Variants in RPL28 observed in about 807,000 individuals in gnomAD.
The protein encoded by RPL28 is ribosomal protein L28.
In RPL28, 4 loss-of-function variants were observed where a neutral mutation model predicts 12.5. The observed-to-expected ratio is 0.32, with a 90% confidence interval of 0.16 to 0.73. The LOEUF is 0.73. RPL28 is among the 30% of genes least tolerant of loss of function. The probability of loss-of-function intolerance (pLI) is 0.66; values close to 1 mark genes in which losing one functional copy is unlikely to be tolerated. For synonymous variants in RPL28, 91 were observed against 72.5 expected (o/e 1.26, Z -1.30); for missense variants, 214 against 197.7 (o/e 1.08, Z -0.49).
In RPL28 at chr19:55,390,368, C is replaced by G; in HGVS notation, c.*2036C>G. 1 of 770,608 alleles carries G rather than the reference C, an allele frequency of 1.3e-6. No homozygotes were observed. Among genetic ancestry groups the G allele is most frequent in the Non-Finnish European group, 1.6e-6 (1 of 634,176 alleles). 47.7% of individuals were successfully genotyped at this position (770,608 alleles called of 1,614,324 possible). On this transcript the variant is annotated 3_prime_UTR_variant, in exon 5 of 5. Coordinates refer to ENST00000344063, the MANE Select transcript of RPL28 (RefSeq NM_000991.5). The stretch of plus-strand genomic sequence containing the variant: ...TACAGGTGGGTGTCACCACACCCAG[C>G]TCAGTATTGTATTTTTAGCAGAGAT...
rs950789276 is a variant in RPL28, at chr19:55,389,247, G to C, written c.*915G>C. 3.3e-6 allele frequency: 3 copies of C among 911,338 alleles called. No individual in the cohort carries two copies. The highest frequency in any genetic ancestry group is 3.9e-6 in the Non-Finnish European group (3 of 762,492). The allele number at this position is 911,338 out of a possible 1,614,324, so 56.5% of individuals were successfully genotyped here. A position where few individuals can be genotyped will look rare whatever the true frequency, so the allele number is the denominator to read the frequency against. On this transcript the variant is annotated 3_prime_UTR_variant, in exon 5 of 5. Coordinates refer to ENST00000344063, the MANE Select transcript of RPL28 (RefSeq NM_000991.5). ...CGCCTGTGGTCCCAGCTCCTCAGAG[G>C]TTGAGTAGAGGCTGAGGTGAGCGGA... is the stretch of plus-strand genomic sequence containing the variant.
At chr19:55,387,237 G>T in intron 3 of RPL28, 1 of 1,514,844 alleles carries the variant, frequency 6.6e-7, no homozygotes, top group South Asian at 1.2e-5. Context: ...TCTAATGGAG[G>T]AGTCCAGCTT....
At chr19:55,402,756 C>T (rs891111369) in intron 4 of RPL28, among the ~76,000 whole-genome samples, 3 of 152,116 alleles carry the variant, frequency 2.0e-5, no homozygotes, top group East Asian at 1.9e-4. Flanking sequence ...GTGCCAATGT[C>T]CCCAGCAGCC....
In RPL28 at chr19:55,389,587, T is replaced by C; in HGVS notation, c.*1255T>C. 1.0e-6 allele frequency: 1 copy of C among 985,340 alleles called. No individual in the cohort carries two copies. The highest frequency in any genetic ancestry group is 1.2e-6 in the Non-Finnish European group (1 of 829,956). The allele number at this position is 985,340 out of a possible 1,614,324, so 61.0% of individuals were successfully genotyped here. A position where few individuals can be genotyped will look rare whatever the true frequency, so the allele number is the denominator to read the frequency against. The stretch of plus-strand genomic sequence containing the variant: ...GGCCTCGACTTGCCATTGGTTGGGG[T>C]CGTACGGGGCTGGGAGCCCTGCGTT... On this transcript the variant is annotated 3_prime_UTR_variant, in exon 5 of 5. Transcript: ENST00000344063.
chr19:55,400,520 G>A (rs1414982320), intron 4 of RPL28: 6 of 152,162 alleles, frequency 3.9e-5, no homozygotes, highest in African/African-American at 9.7e-5. Context: ...GACCTAATCC[G>A]GTGAGCACCT....
chr19:55,402,891 C>G, intron 4 of RPL28: 1 of 1,457,204 alleles, frequency 6.9e-7, no homozygotes, highest in South Asian at 1.3e-5. Flanking sequence ...ACCCTCTCTG[C>G]CATGTGCCCC....
Position 55,401,542 on chromosome 19 carries a change from G to A in RPL28, c.325-1401G>A, listed in dbSNP as rs201696148. 7,720 of 1,609,018 alleles carry A rather than the reference G, an allele frequency of 4.8e-3. 33 individuals are homozygous for A. The highest frequency in any genetic ancestry group is 5.1e-3 in the Non-Finnish European group (6,055 of 1,178,570). ...GGCCATGGGACCCTCAGCCCCTCCC[G>A]GGCCCCCTGGGGCCCCAGGGTCGGT... On this transcript the variant is annotated intron_variant, in intron 4 of 4. Coordinates refer to the RPL28 transcript ENST00000560055.
In RPL28 at chr19:55,392,016, C is replaced by G. The variant is rs1191103598; in HGVS notation, c.*3684C>G. 9.1e-7 allele frequency: 1 copy of G among 1,094,586 alleles called. No individual in the cohort carries two copies. Among genetic ancestry groups the G allele is most frequent in the Admixed American group, 4.9e-5 (1 of 20,224 alleles). 67.8% of individuals were successfully genotyped at this position (1,094,586 alleles called of 1,614,324 possible). On this transcript the variant is annotated 3_prime_UTR_variant, in exon 5 of 5. Transcript: ENST00000344063. ...TTCCAGCCCAGGCTGTTTGGCGCTG[C>G]CCAGGAATGGTATCAATTCCCCTGT...
At chr19:55,387,751 G>A in intron 3 of RPL28, 179 bp from the exon 4 acceptor site, 1 of 1,453,420 alleles carries the variant, frequency 6.9e-7, no homozygotes, top group African/African-American at 1.4e-5. Context: ...ACTCCGTGAT[G>A]ACGAGTGAGC....
Position 55,389,693 on chromosome 19 carries a change from C to G in RPL28, c.*1361C>G, listed in dbSNP as rs1313667438. ...GCTCGAAGGAGAGCAGATCTGACCA[C>G]TTGCCAGCCCCTGTCTGCTGTGAAT... On this transcript the variant is annotated 3_prime_UTR_variant, in exon 5 of 5. Transcript: ENST00000344063. 2 of 985,426 alleles carry G rather than the reference C, an allele frequency of 2.0e-6. No homozygotes were observed. Among genetic ancestry groups the G allele is most frequent in the African/African-American group, 3.5e-5 (2 of 57,208 alleles). 61.0% of individuals were successfully genotyped at this position (985,426 alleles called of 1,614,324 possible).
At chr19:55,396,452 A>G (rs1456864847), downstream of RPL28, among the ~76,000 whole-genome samples, 1 of 138,028 alleles carries the variant, frequency 7.2e-6, no homozygotes, top group African/African-American at 2.7e-5. Flanking sequence ...GGAGGTAAAC[A>G]GTATTCTCAC....
chr19:55,388,648 A>G lies in RPL28; in HGVS notation c.*316A>G, dbSNP rs547080290. The stretch of plus-strand genomic sequence containing the variant: ...AATCCCAGCTGGGGCAGTGGCTTCC[A>G]TTCAGAAGAAGAAAGGCCTTTTCTA... On this transcript the variant is annotated 3_prime_UTR_variant, in exon 5 of 5. Coordinates refer to ENST00000344063, the MANE Select transcript of RPL28 (RefSeq NM_000991.5). 115 of 1,166,576 alleles carry G rather than the reference A, an allele frequency of 9.9e-5. No individual in the cohort carries two copies. The Middle Eastern group carries it at 2.1e-3, about 21-fold the overall frequency. The allele number at this position is 1,166,576 out of a possible 1,614,324, so 72.3% of individuals were successfully genotyped here. A position where few individuals can be genotyped will look rare whatever the true frequency, so the allele number is the denominator to read the frequency against.
intron 3 of RPL28, 62 bp from the exon 4 acceptor site, chr19:55,387,868 G>A (rs2089948489): frequency 6.6e-7 from 1 of 1,506,302 alleles, no homozygotes; most frequent in Admixed American, 2.3e-5. Flanking sequence ...CCACACCTGC[G>A]AGGTGTGCTA....
Position 55,390,794 on chromosome 19 carries a change from G to C in RPL28, c.*2462G>C. The C allele has an allele frequency of 1.0e-6, 1 of 985,498 alleles. No individual in the cohort carries two copies. Among genetic ancestry groups the C allele is most frequent in the African/African-American group, 1.7e-5 (1 of 57,348 alleles). The allele number at this position is 985,498 out of a possible 1,614,324, so 61.0% of individuals were successfully genotyped here. ...AGGAACCAGGAGAGGGCTGGAGGGAGGGAGATGGTCTCAGCCCCACAGAGT... is the reference window on the plus strand; with the variant it reads ...AGGAACCAGGAGAGGGCTGGAGGGACGGAGATGGTCTCAGCCCCACAGAGT... On this transcript the variant is annotated 3_prime_UTR_variant, in exon 5 of 5. Coordinates refer to ENST00000344063, the MANE Select transcript of RPL28 (RefSeq NM_000991.5).
At chr19:55,393,907 C>T (rs142797565), downstream of RPL28, among the ~76,000 whole-genome samples, 9,960 of 151,806 alleles carry the variant, frequency 0.066, 374 homozygotes, top group African/African-American at 0.09. Flanking sequence ...GTGTTGGCCT[C>T]CCAAAGTGCT....
downstream of RPL28, chr19:55,392,183 C>T (rs187299195): frequency 3.8e-4 from 339 of 890,890 alleles, 1 homozygote; most frequent in African/African-American, 5.6e-3. Context: ...CCTAAGTTAG[C>T]CACCTGTGCT....
intron 4 of RPL28, among the ~76,000 whole-genome samples, chr19:55,398,523 C>T (rs1487147484): frequency 6.6e-6 from 1 of 152,208 alleles, no homozygotes; most frequent in Non-Finnish European, 1.5e-5. Flanking sequence ...TGGCATCAAT[C>T]TTGGTTTACA....
At position 55,390,547 on chromosome 19, in the gene RPL28, C is replaced by A. The variant is rs969566068; in HGVS notation, c.*2215C>A. 16 of 985,548 alleles carry A rather than the reference C, an allele frequency of 1.6e-5. No individual in the cohort carries two copies. The highest frequency in any genetic ancestry group is 1.8e-5 in the Non-Finnish European group (15 of 829,998). The allele number at this position is 985,548 out of a possible 1,614,324, so 61.1% of individuals were successfully genotyped here. ...GGCCTTGTCCTTAACCACCTCCTTG[C>A]CTGCCCTGGAGGCTTGTGCCTCTAG... On this transcript the variant is annotated 3_prime_UTR_variant, in exon 5 of 5. Coordinates refer to ENST00000344063, the MANE Select transcript of RPL28 (RefSeq NM_000991.5).
At chr19:55,396,194 C>A (rs1335143288), downstream of RPL28, among the ~76,000 whole-genome samples, 2 of 149,688 alleles carry the variant, frequency 1.3e-5, no homozygotes, top group Non-Finnish European at 3.0e-5. Flanking sequence ...TCACTTGAGC[C>A]CAGGAGTTTG....
Sources: allele counts gnomAD v4.1 joint callset (sites outside exome capture counted in the v4.1 genomes callset), GRCh38; gene constraint gnomAD v4.1.1; transcripts MANE v1.5; gene names NCBI Gene and HGNC (gene_info 2026-07-23, HGNC 2026-07-21).